ASAP1: variants seen among roughly 807,000 people sequenced by gnomAD.
The protein encoded by ASAP1 is ArfGAP with SH3 domain, ankyrin repeat and PH domain 1.
In ASAP1, 43 loss-of-function variants were observed where a neutral mutation model predicts 145.2. The ratio of observed to expected loss-of-function variants is 0.30; its 90% CI spans 0.23 to 0.38. The LOEUF (loss-of-function observed/expected upper bound fraction) is 0.38, where lower values mean the gene tolerates loss of function less well. Ranked by LOEUF, ASAP1 falls within the 10% of genes least tolerant of loss-of-function variation. The pLI is 1.00. For synonymous variants in ASAP1, 546 were observed against 515.5 expected (o/e 1.06, Z -0.80); for missense variants, 1,018 against 1,355.3 (o/e 0.75, Z 3.91).
chr8:130,103,568 A>C (rs895337143), intron 24 of ASAP1, among the ~76,000 whole-genome samples: 4 of 151,968 alleles, frequency 2.6e-5, no homozygotes, highest in Admixed American at 2.6e-4. Flanking sequence ...CAGTGACGCG[A>C]TCTCGGCTCA....
intron 27 of ASAP1, among the ~76,000 whole-genome samples, chr8:130,073,537 G>C (rs1033127304): frequency 2.0e-5 from 3 of 152,162 alleles, no homozygotes; most frequent in African/African-American, 7.2e-5. Flanking sequence ...TGCTGAGGTG[G>C]AGGAGACGAG....
At chr8:130,199,509 C>T (rs1815730242) in intron 5 of ASAP1, among the ~76,000 whole-genome samples, 1 of 152,160 alleles carries the variant, frequency 6.6e-6, no homozygotes, top group Admixed American at 6.5e-5. Context: ...GGGTACCCCT[C>T]CCATCCTGCA....
intron 1 of ASAP1, among the ~76,000 whole-genome samples, chr8:130,417,959 C>G (rs1829557007): frequency 6.6e-6 from 1 of 152,204 alleles, no homozygotes; most frequent in Non-Finnish European, 1.5e-5. Context: ...GGGGCTGGAA[C>G]ACTCACTGGA....
chr8:130,055,273 G>A (rs1431799090), intron 29 of ASAP1, among the ~76,000 whole-genome samples: 2 of 150,928 alleles, frequency 1.3e-5, no homozygotes, highest in Non-Finnish European at 2.9e-5. Flanking sequence ...CTTCTCTCCA[G>A]GCTTGTGTGA....
chr8:130,370,806 C>A (rs541874400), intron 2 of ASAP1, among the ~76,000 whole-genome samples: 2 of 152,242 alleles, frequency 1.3e-5, no homozygotes, highest in South Asian at 4.1e-4. Flanking sequence ...TACAAAAGAC[C>A]ACATACTGTA....
intron 3 of ASAP1, among the ~76,000 whole-genome samples, chr8:130,313,915 C>T (rs1215123550): frequency 1.3e-5 from 2 of 152,186 alleles, no homozygotes; most frequent in Non-Finnish European, 2.9e-5. Context: ...TTCTCCTCTC[C>T]CCACTTCAGC....
intron 25 of ASAP1, among the ~76,000 whole-genome samples, chr8:130,087,444 C>T (rs1029514004): frequency 1.3e-5 from 2 of 152,086 alleles, no homozygotes; most frequent in East Asian, 3.9e-4. Flanking sequence ...TGCTTGAACC[C>T]ATAAGGTGGA....
intron 3 of ASAP1, among the ~76,000 whole-genome samples, chr8:130,281,824 C>T (rs562650203): frequency 5.9e-5 from 9 of 152,188 alleles, no homozygotes; most frequent in African/African-American, 1.7e-4. Flanking sequence ...CCCAGCACTT[C>T]GAGAAAACAA....
intron 2 of ASAP1, among the ~76,000 whole-genome samples, chr8:130,400,208 C>T (rs7838650): frequency 0.32 from 48,664 of 151,822 alleles, 8,561 homozygotes; most frequent in African/African-American, 0.46. Context: ...ACACTTTCCA[C>T]TACGCGGACT....
intron 5 of ASAP1, among the ~76,000 whole-genome samples, chr8:130,191,967 A>C (rs1815169832): frequency 2.0e-5 from 3 of 152,058 alleles, no homozygotes; most frequent in Non-Finnish European, 4.4e-5. Context: ...CTCTCCCTGA[A>C]CAACAACTAA....
In ASAP1 at chr8:130,335,214, T is replaced by G. The variant is rs146575040; in HGVS notation, c.186+22803A>C. ...CCCTTTCATTTTCATTTGATGACAC[T>G]GATCATCTTTATCACCATGAGGATG... On this transcript the variant is annotated intron_variant, in intron 3 of 29. Transcript: ENST00000518721. 5.5e-3 allele frequency among the ~76,000 whole-genome samples: 831 copies of G among 152,382 alleles called. 5 individuals are homozygous for G. Among genetic ancestry groups the G allele is most frequent in the Non-Finnish European group, 8.9e-3 (608 of 68,030 alleles).
intron 2 of ASAP1, among the ~76,000 whole-genome samples, chr8:130,360,519 T>G (rs573478902): frequency 6.6e-6 from 1 of 152,370 alleles, no homozygotes; most frequent in South Asian, 2.1e-4. Context: ...TGCTCATCAA[T>G]GTCCTCTAAG....
chr8:130,097,057 T>TG (rs970883941), intron 24 of ASAP1, among the ~76,000 whole-genome samples: 1 of 127,378 alleles, frequency 7.9e-6, no homozygotes, highest in African/African-American at 3.0e-5. Context: ...ACCCGGGAGA[T>TG]GGAGGTTGCA....
At chr8:130,206,260 A>G (rs1816214443) in intron 5 of ASAP1, among the ~76,000 whole-genome samples, 1 of 152,056 alleles carries the variant, frequency 6.6e-6, no homozygotes, top group South Asian at 2.1e-4. Flanking sequence ...TTTTTAAAAG[A>G]TAAGGTTTTA....
chr8:130,219,710 C>T (rs546179554), intron 4 of ASAP1, among the ~76,000 whole-genome samples: 13 of 152,268 alleles, frequency 8.5e-5, no homozygotes, highest in African/African-American at 3.1e-4. Flanking sequence ...GTGATCCATC[C>T]GTTAAGAAGA....
chr8:130,349,396 C>A (rs771685193), intron 3 of ASAP1, among the ~76,000 whole-genome samples: 3 of 152,132 alleles, frequency 2.0e-5, no homozygotes, highest in Non-Finnish European at 4.4e-5. Context: ...TGCAATAATA[C>A]AATAATACAG....
intron 4 of ASAP1, among the ~76,000 whole-genome samples, chr8:130,232,074 G>A (rs1226372698): frequency 6.6e-6 from 1 of 152,178 alleles, no homozygotes; most frequent in East Asian, 1.9e-4. Context: ...CCTCAATATG[G>A]TAGCTGGCTT....
Position 130,118,169 on chromosome 8 carries a change from T to C in ASAP1, c.1872A>G (p.Val624=), listed in dbSNP as rs1227756150. Residue 624 remains valine, a synonymous_variant, in exon 20 of 30, where the codon GTA becomes GTG. Transcript: ENST00000518721. ...QTSLHLVDFL[V]QNCGNLDKQT... ...GAAAACAAAAACGATACCAGTTTTG[T>C]ACAAGGAAGTCAACCAAATGGAGAG... The C allele has an allele frequency of 1.2e-6, 2 of 1,613,680 alleles. No homozygotes were observed. Among genetic ancestry groups the C allele is most frequent in the Admixed American group, 3.3e-5 (2 of 60,006 alleles).
chr8:130,197,749 A>C (rs943243418), intron 5 of ASAP1, among the ~76,000 whole-genome samples: 8 of 152,246 alleles, frequency 5.3e-5, no homozygotes, highest in African/African-American at 1.7e-4. Context: ...CAGGAGTAGT[A>C]ATCACAGAAA....
Sources: allele counts gnomAD v4.1 joint callset (sites outside exome capture counted in the v4.1 genomes callset), GRCh38; gene constraint gnomAD v4.1.1; transcripts MANE v1.5; gene names NCBI Gene and HGNC (gene_info 2026-07-23, HGNC 2026-07-21).